Variants in SCML2 observed in about 807,000 individuals in gnomAD.
SCML2 encodes sex comb on midleg-like protein 2.
SCML2 carries 6 observed loss-of-function variants against 48.4 expected under a neutral mutation model. The observed-to-expected ratio is 0.12, with a 90% CI of 0.07 to 0.24. The LOEUF is 0.24. Among genes scored for constraint, SCML2 ranks in the 10% least tolerant of loss-of-function variants. The pLI is 1.00. For missense variants in SCML2, 377 were observed against 528.2 expected (o/e 0.71, Z 2.81); for synonymous variants, 181 against 189.5 (o/e 0.95, Z 0.37).
At chrX:18,300,879 T>C (rs1335100351) in intron 7 of SCML2, among the ~76,000 whole-genome samples, 2 of 110,980 alleles carry the variant, frequency 1.8e-5, no homozygotes, top group Non-Finnish European at 3.8e-5. Flanking sequence ...CCGTGGAAGG[T>C]TCAGTTCACC....
At chrX:18,314,909 C>T (rs1395721278) in intron 6 of SCML2, among the ~76,000 whole-genome samples, 2 of 109,178 alleles carry the variant, frequency 1.8e-5, no homozygotes, top group Non-Finnish European at 3.8e-5. Flanking sequence ...GCCAACATGG[C>T]GAAACCCCGT....
Position 18,277,930 on chromosome X carries a change from GCCGAGGCGGGAGGATCA to G in SCML2, c.731-12145_731-12129del, listed in dbSNP as rs1336368636. 2.7e-5 allele frequency among the ~76,000 whole-genome samples: 3 copies of G among 110,681 alleles called. No individual in the cohort carries two copies. The East Asian group carries it at 8.6e-4, about 32-fold the overall frequency. Reference sequence around the variant, plus strand: ...ACCTGTAATCCCAGCACTTTGGGAAGCCGAGGCGGGAGGATCACTTGAGCTCGGGAGTTCGACATCAG... The same window carrying G: ...ACCTGTAATCCCAGCACTTTGGGAAGCTTGAGCTCGGGAGTTCGACATCAG... On this transcript the variant is annotated intron_variant, in intron 7 of 14. Transcript: ENST00000251900.
chrX:18,301,153 G>A (rs767053744), intron 7 of SCML2, among the ~76,000 whole-genome samples: 15 of 111,405 alleles, frequency 1.3e-4, no homozygotes, highest in Non-Finnish European at 2.6e-4. Flanking sequence ...ATCCTAGCAC[G>A]TTGGGAGGCC....
chrX:18,269,235 T>C (rs971649364), intron 7 of SCML2, among the ~76,000 whole-genome samples: 3 of 111,911 alleles, frequency 2.7e-5, no homozygotes, highest in Non-Finnish European at 3.8e-5. Context: ...GTAATTTCCA[T>C]AATCCCCACA....
chrX:18,337,114 C>G, intron 1 of SCML2, among the ~76,000 whole-genome samples: 1 of 108,818 alleles, frequency 9.2e-6, no homozygotes, highest in East Asian at 2.9e-4. Context: ...CCAGCCTGGC[C>G]AACATGGTGA....
intron 6 of SCML2, among the ~76,000 whole-genome samples, chrX:18,314,904 C>A (rs1929068394): frequency 3.6e-5 from 4 of 110,026 alleles, no homozygotes; most frequent in Non-Finnish European, 7.6e-5. Context: ...GACTGGCCAA[C>A]ATGGCGAAAC....
At chrX:18,298,216 G>A (rs751885130) in intron 7 of SCML2, among the ~76,000 whole-genome samples, 1 of 111,497 alleles carries the variant, frequency 9.0e-6, no homozygotes, top group South Asian at 3.8e-4. Flanking sequence ...CAGATTCAAT[G>A]CAATCTTTAT....
intron 3 of SCML2, among the ~76,000 whole-genome samples, chrX:18,328,264 A>G (rs1929547208): frequency 9.0e-6 from 1 of 111,510 alleles, no homozygotes; most frequent in African/African-American, 3.3e-5. Flanking sequence ...AAGATGGGCA[A>G]AATACCTAGA....
chrX:18,305,696 A>G (rs1264598029), intron 6 of SCML2, among the ~76,000 whole-genome samples: 2 of 110,407 alleles, frequency 1.8e-5, no homozygotes, highest in Non-Finnish European at 3.8e-5. Context: ...AAGAAACGAC[A>G]TCAGATAATA....
intron 6 of SCML2, among the ~76,000 whole-genome samples, chrX:18,318,829 CTT>C: frequency 8.9e-6 from 1 of 112,015 alleles, no homozygotes; most frequent in Non-Finnish European, 1.9e-5. Context: ...GTAATTGAGA[CTT>C]TTTTATGACT....
chrX:18,342,729 C>T (rs1053540204), intron 1 of SCML2, among the ~76,000 whole-genome samples: 2 of 109,734 alleles, frequency 1.8e-5, no homozygotes, highest in Non-Finnish European at 3.8e-5. Context: ...AAAAAAAAGA[C>T]TACAGTTATA....
At chrX:18,313,272 G>C (rs1929017643) in intron 6 of SCML2, among the ~76,000 whole-genome samples, 1 of 110,773 alleles carries the variant, frequency 9.0e-6, no homozygotes, top group African/African-American at 3.3e-5. Context: ...TGTTGTGGGA[G>C]GGACCCGGGG....
chrX:18,240,814 A>C lies in SCML2; in HGVS notation c.*437T>G, dbSNP rs945019324. 1 of 113,480 alleles carries C rather than the reference A, an allele frequency of 8.8e-6. No individual in the cohort carries two copies. The highest frequency in any genetic ancestry group is 1.9e-5 in the Non-Finnish European group (1 of 53,791). 9.4% of individuals were successfully genotyped at this position (113,480 alleles called of 1,213,427 possible). A position where few individuals can be genotyped will look rare whatever the true frequency, so the allele number is the denominator to read the frequency against. ...CCTTTAAATTCTCTAGTGAGGAAAA[A>C]TTCTCATGGATTTAATTATAGAAGT... On this transcript the variant is annotated 3_prime_UTR_variant, in exon 15 of 15. Coordinates refer to ENST00000251900, the MANE Select transcript of SCML2 (RefSeq NM_006089.3).
Position 18,305,107 on chromosome X carries a change from C to T in SCML2, c.595G>A (p.Gly199Arg). Residue 199 changes from glycine to arginine, a missense_variant, in exon 7 of 15, where the codon GGG (glycine) becomes AGG (arginine). This residue lies in a region of SCML2 where 299 missense variants were observed against 425.5 expected (regional missense o/e 0.70). Coordinates refer to ENST00000251900, the MANE Select transcript of SCML2 (RefSeq NM_006089.3). ...ICPATIGDVK[G>R]DEVHITFDGW... ...TCAAATGTGATATGAACTTCATCCC[C>T]TTTAACATCTCCAATGGTCGCAGGA... 3.3e-6 allele frequency: 4 copies of T among 1,211,357 alleles called. No individual in the cohort carries two copies. The highest frequency in any genetic ancestry group is 4.5e-6 in the Non-Finnish European group (4 of 895,359).
At chrX:18,252,222 C>T (rs1398922567) in intron 11 of SCML2, among the ~76,000 whole-genome samples, 4 of 112,555 alleles carry the variant, frequency 3.6e-5, no homozygotes, top group African/African-American at 1.3e-4. Flanking sequence ...TGTGGCGAGC[C>T]AAGATCACAC....
chrX:18,325,515 G>A (rs1929452206), intron 3 of SCML2, among the ~76,000 whole-genome samples: 2 of 111,637 alleles, frequency 1.8e-5, no homozygotes, highest in African/African-American at 6.5e-5. Flanking sequence ...TCTATTCAGA[G>A]TGTCAAGAAG....
Position 18,354,665 on chromosome X carries a change from C to T in SCML2, c.-98G>A. 7.0e-6 allele frequency: 2 copies of T among 286,184 alleles called. No individual in the cohort carries two copies. Among genetic ancestry groups the T allele is most frequent in the Non-Finnish European group, 1.2e-5 (2 of 163,449 alleles). 23.6% of individuals were successfully genotyped at this position (286,184 alleles called of 1,213,427 possible). A position where few individuals can be genotyped will look rare whatever the true frequency, so the allele number is the denominator to read the frequency against. On this transcript the variant is annotated 5_prime_UTR_variant, in exon 1 of 15. Transcript: ENST00000251900. ...CGAGCCGGCACCGAGCTTCACACCG[C>T]CGCCGCCATGTTTGAGAAGCCGCGC...
At chrX:18,336,067 A>T (rs1366748099) in intron 1 of SCML2, among the ~76,000 whole-genome samples, 1 of 112,125 alleles carries the variant, frequency 8.9e-6, no homozygotes, top group Admixed American at 9.5e-5. Context: ...GCAGTCCGGA[A>T]ATAGACCCAC....
intron 7 of SCML2, among the ~76,000 whole-genome samples, chrX:18,271,444 T>C (rs776055632): frequency 9.1e-6 from 1 of 109,672 alleles, no homozygotes; most frequent in Non-Finnish European, 1.9e-5. Flanking sequence ...TGCATGTGTG[T>C]GTGTGTTTTT....
Sources: allele counts gnomAD v4.1 joint callset (sites outside exome capture counted in the v4.1 genomes callset), GRCh38; gene constraint gnomAD v4.1.1; regional missense constraint gnomAD v4.1.1; transcripts MANE v1.5; gene names NCBI Gene and HGNC (gene_info 2026-07-23, HGNC 2026-07-21).